Variants in COL6A5 observed in about 807,000 individuals in gnomAD.
COL6A5 encodes collagen alpha-5(VI) chain.
In COL6A5, 48 loss-of-function variants were observed where a neutral mutation model predicts 65.6. The observed-to-expected ratio is 0.73, with a 90% CI of 0.58 to 0.93. COL6A5 has a LOEUF of 0.93. COL6A5 is among the 40% of genes least tolerant of loss of function. The pLI, the probability that COL6A5 is intolerant of heterozygous loss-of-function variation, is 0.00. For synonymous variants in COL6A5, 291 were observed against 322.8 expected (o/e 0.90, Z 1.05); for missense variants, 914 against 928.3 (o/e 0.98, Z 0.20).
At chr3:130,454,457 C>G (rs906779251) in intron 4 of COL6A5, among the ~76,000 whole-genome samples, 2 of 152,162 alleles carry the variant, frequency 1.3e-5, no homozygotes, top group Non-Finnish European at 2.9e-5. Flanking sequence ...TTACATCTGA[C>G]TTTTCTTCCT....
At chr3:130,413,427 CTG>C in intron 20 of COL6A5, 116 bp from the exon 21 acceptor site, 2 of 929,158 alleles carry the variant, frequency 2.2e-6, no homozygotes, top group South Asian at 1.5e-5. Flanking sequence ...CTCAGGGAAA[CTG>C]TTTCTGTGAG....
intron 1 of COL6A5, among the ~76,000 whole-genome samples, chr3:130,364,520 G>A (rs1204814663): frequency 6.6e-6 from 1 of 152,216 alleles, no homozygotes; most frequent in Non-Finnish European, 1.5e-5. Context: ...AAATGGTGAT[G>A]GTGATGTAGA....
At chr3:130,458,800 G>C (rs1262322114) in intron 5 of COL6A5, among the ~76,000 whole-genome samples, 5 of 152,112 alleles carry the variant, frequency 3.3e-5, no homozygotes, top group African/African-American at 9.7e-5. Flanking sequence ...AGATTATCGA[G>C]AGATACTAAC....
intron 13 of COL6A5, 26 bp downstream of exon 13, chr3:130,403,688 C>T (rs1308106379): frequency 1.3e-6 from 2 of 1,529,536 alleles, no homozygotes; most frequent in South Asian, 1.2e-5. Flanking sequence ...TCCCCCTCAC[C>T]CCCTGTTGCA....
chr3:130,443,318 A>G (rs1417831993), intron 3 of COL6A5, among the ~76,000 whole-genome samples, 158 bp from the exon 36 acceptor site: 2 of 152,102 alleles, frequency 1.3e-5, no homozygotes, highest in Non-Finnish European at 1.5e-5. Flanking sequence ...TTTGAGTGCT[A>G]TTTCTAACTG....
intron 4 of COL6A5, among the ~76,000 whole-genome samples, chr3:130,446,707 C>G (rs1418446058): frequency 1.3e-5 from 2 of 152,072 alleles, no homozygotes; most frequent in African/African-American, 4.8e-5. Context: ...AAGCTTGAGT[C>G]TTCTGGTGGG....
intron 7 of COL6A5, among the ~76,000 whole-genome samples, chr3:130,480,432 A>G (rs1309250962): frequency 6.6e-6 from 1 of 152,066 alleles, no homozygotes; most frequent in Non-Finnish European, 1.5e-5. Flanking sequence ...ATATAAACTT[A>G]TTAGAGTTAG....
intron 13 of COL6A5, among the ~76,000 whole-genome samples, chr3:130,404,690 C>T (rs1015232281): frequency 3.9e-5 from 6 of 152,224 alleles, no homozygotes; most frequent in African/African-American, 1.4e-4. Flanking sequence ...GCTAAGGTAC[C>T]TCTCAGCAAC....
At chr3:130,464,813 G>T (rs1460542852) in intron 5 of COL6A5, among the ~76,000 whole-genome samples, 2 of 152,062 alleles carry the variant, frequency 1.3e-5, no homozygotes, top group Non-Finnish European at 2.9e-5. Context: ...AAACATGCTT[G>T]TGTGATGCAA....
intron 16 of COL6A5, 42 bp downstream of exon 16, chr3:130,406,217 T>C (rs1431914863): frequency 1.3e-6 from 2 of 1,548,816 alleles, no homozygotes; most frequent in Non-Finnish European, 1.7e-6. Context: ...TGTCATGAGG[T>C]TGCTAAAATT....
upstream of COL6A5, among the ~76,000 whole-genome samples, chr3:130,427,027 A>C (rs1374216585): frequency 6.6e-6 from 1 of 152,232 alleles, no homozygotes; most frequent in East Asian, 1.9e-4. Context: ...TTGCTAAAGC[A>C]AAATGATTAT....
Position 130,413,525 on chromosome 3 carries a change from G to A in COL6A5, c.4663-20G>A. Reference sequence around the variant, plus strand: ...CCATTCAGACATCCACATACTAACAGTTTGCCTTTTCTGTCCCAGGGAAGA... The same window carrying A: ...CCATTCAGACATCCACATACTAACAATTTGCCTTTTCTGTCCCAGGGAAGA... On this transcript the variant is annotated intron_variant and NMD_transcript_variant, in intron 20 of 41. Transcript: ENST00000312481. The A allele has an allele frequency of 6.5e-7, 1 of 1,546,956 alleles. No homozygotes were observed. Among genetic ancestry groups the A allele is most frequent in the South Asian group, 1.2e-5 (1 of 83,940 alleles).
chr3:130,466,035 G>A (rs1034596265), intron 5 of COL6A5, among the ~76,000 whole-genome samples: 2 of 151,962 alleles, frequency 1.3e-5, no homozygotes, highest in African/African-American at 4.8e-5. Flanking sequence ...AATGAAAAGA[G>A]TATTAGTTAG....
chr3:130,443,783 C>T (rs899157022), intron 4 of COL6A5, among the ~76,000 whole-genome samples: 1 of 152,102 alleles, frequency 6.6e-6, no homozygotes, highest in Non-Finnish European at 1.5e-5. Context: ...CCTTTAAATT[C>T]ATGGTTTCTT....
chr3:130,350,656 A>G (rs1934668786), intron 1 of COL6A5, among the ~76,000 whole-genome samples: 1 of 152,220 alleles, frequency 6.6e-6, no homozygotes, highest in African/African-American at 2.4e-5. Flanking sequence ...CAACAAAATA[A>G]AAGAGAACAC....
At chr3:130,425,074 T>C (rs1259667253) in intron 29 of COL6A5, among the ~76,000 whole-genome samples, 1 of 152,184 alleles carries the variant, frequency 6.6e-6, no homozygotes, top group African/African-American at 2.4e-5. Flanking sequence ...AAACTGTTTA[T>C]CTCTCTGTTT....
intron 1 of COL6A5, among the ~76,000 whole-genome samples, chr3:130,358,319 AAAATT>A (rs1442538602): frequency 1.3e-4 from 20 of 152,340 alleles, no homozygotes; most frequent in African/African-American, 4.8e-4. Flanking sequence ...AGGAGAAGGC[AAAATT>A]ATTGTTATTT....
intron 8 of COL6A5, 103 bp downstream of exon 8, chr3:130,395,568 T>C (rs1936570897): frequency 1.2e-6 from 1 of 866,490 alleles, no homozygotes; most frequent in Non-Finnish European, 1.8e-6. Flanking sequence ...ATTTAGAACA[T>C]ATATTTAGTG....
At chr3:130,405,972 G>A in intron 14 of COL6A5, 21 bp from the exon 15 acceptor site, 3 of 1,550,686 alleles carry the variant, frequency 1.9e-6, no homozygotes, top group Non-Finnish European at 2.6e-6. Context: ...TTGTCAGTGA[G>A]AGATATTTCA....
Sources: allele counts gnomAD v4.1 joint callset (sites outside exome capture counted in the v4.1 genomes callset), GRCh38; gene constraint gnomAD v4.1.1; transcripts MANE v1.5; gene names NCBI Gene and HGNC (gene_info 2026-07-23, HGNC 2026-07-21).